R3HDM2: variants seen among roughly 807,000 people sequenced by gnomAD.
R3HDM2 encodes R3H domain-containing protein 2.
Under a neutral mutation model 124.5 loss-of-function variants are expected in R3HDM2, and 38 were observed. The ratio of observed to expected loss-of-function variants is 0.31; its 90% CI spans 0.24 to 0.40. The LOEUF (loss-of-function observed/expected upper bound fraction) is 0.40. R3HDM2 is among the 10% of genes least tolerant of loss of function. R3HDM2 has a pLI of 1.00. For synonymous variants in R3HDM2, 391 were observed against 448.0 expected (o/e 0.87, Z 1.61); for missense variants, 869 against 1,236.9 (o/e 0.70, Z 4.46).
intron 10 of R3HDM2, among the ~76,000 whole-genome samples, chr12:57,294,872 G>T (rs2049417742): frequency 2.6e-5 from 4 of 152,164 alleles, no homozygotes; most frequent in Admixed American, 1.3e-4. Flanking sequence ...CACTCACCTT[G>T]GTGGAAGGAG....
chr12:57,385,478 G>T (rs547971406), intron 2 of R3HDM2, among the ~76,000 whole-genome samples: 2 of 151,852 alleles, frequency 1.3e-5, no homozygotes, highest in Admixed American at 1.3e-4. Flanking sequence ...TCCTGACCTC[G>T]CGATCCGCCC....
At chr12:57,370,254 C>T (rs942601717) in intron 2 of R3HDM2, among the ~76,000 whole-genome samples, 6 of 152,116 alleles carry the variant, frequency 3.9e-5, no homozygotes, top group African/African-American at 1.4e-4. Context: ...CTTGCACTCG[C>T]GAAGACATAC....
intron 2 of R3HDM2, among the ~76,000 whole-genome samples, chr12:57,378,395 T>C (rs2138216375): frequency 6.6e-6 from 1 of 152,270 alleles, no homozygotes; most frequent in South Asian, 2.1e-4. Context: ...TTTTCTTTTT[T>C]TTGAAACAGG....
At chr12:57,419,762 C>T (rs1487054286) in intron 1 of R3HDM2, among the ~76,000 whole-genome samples, 4 of 151,980 alleles carry the variant, frequency 2.6e-5, no homozygotes, top group Admixed American at 1.3e-4. Flanking sequence ...TTCTTTAATA[C>T]CTCTAGGTCT....
At position 57,254,625 on chromosome 12, in the gene R3HDM2, T is replaced by G; in HGVS notation, c.*148A>C. 1 of 693,644 alleles carries G rather than the reference T, an allele frequency of 1.4e-6. No homozygotes were observed. The highest frequency in any genetic ancestry group is 2.2e-5 in the South Asian group (1 of 45,778). The allele number at this position is 693,644 out of a possible 1,614,324, so 43.0% of individuals were successfully genotyped here. A position where few individuals can be genotyped will look rare whatever the true frequency, so the allele number is the denominator to read the frequency against. ...AAGGAGTCCAATGCCAGTGTAGGTATCTGTGTTTCCATCTTCATCACTGTC... is the reference window on the plus strand; with the variant it reads ...AAGGAGTCCAATGCCAGTGTAGGTAGCTGTGTTTCCATCTTCATCACTGTC... On this transcript the variant is annotated 3_prime_UTR_variant, in exon 24 of 24. Transcript: ENST00000402412.
At chr12:57,414,497 A>C (rs2069361049) in intron 1 of R3HDM2, among the ~76,000 whole-genome samples, 2 of 148,758 alleles carry the variant, frequency 1.3e-5, no homozygotes, top group South Asian at 2.1e-4. Context: ...AAAAAAAAAA[A>C]AAAAAAAAAA....
At chr12:57,280,014 T>C (rs775576231) in intron 14 of R3HDM2, among the ~76,000 whole-genome samples, 6 of 152,076 alleles carry the variant, frequency 3.9e-5, no homozygotes, top group Non-Finnish European at 7.4e-5. Context: ...TTCCAATATA[T>C]AGATGTAATG....
intron 1 of R3HDM2, among the ~76,000 whole-genome samples, chr12:57,425,140 C>T (rs756727781): frequency 2.8e-4 from 42 of 152,114 alleles, no homozygotes; most frequent in African/African-American, 6.7e-4. Context: ...GGTGTGGTGG[C>T]GCATGCCTGT....
At chr12:57,396,682 G>A (rs2067557015) in intron 1 of R3HDM2, among the ~76,000 whole-genome samples, 1 of 150,422 alleles carries the variant, frequency 6.6e-6, no homozygotes, top group Non-Finnish European at 1.5e-5. Context: ...AGAAGGCTGA[G>A]CCAGAGAATT....
chr12:57,337,664 T>C (rs917998505), intron 2 of R3HDM2, among the ~76,000 whole-genome samples: 16 of 152,114 alleles, frequency 1.1e-4, no homozygotes. Flanking sequence ...TCTATAACCT[T>C]GTGTATGTGT....
chr12:57,298,107 T>C lies in R3HDM2; in HGVS notation c.483A>G (p.Thr161=), dbSNP rs1324107141. The change falls in exon 7 of 24, where the codon ACA becomes ACG. Residue 161 remains threonine (T), a synonymous_variant. Transcript: ENST00000402412. The part of the protein sequence containing the change: ...GIDLHEFLVN[T]LKKNPRDRMM... ...GTTATTACCTTGGGTTCTTTTTCAG[T>C]GTATTTACAAGAAATTCATGTAGGT... is the stretch of plus-strand genomic sequence containing the variant. The C allele has an allele frequency of 1.5e-5, 24 of 1,550,800 alleles. No homozygotes were observed. The highest frequency in any genetic ancestry group is 2.0e-5 in the Non-Finnish European group (23 of 1,146,476).
At position 57,360,992 on chromosome 12, in the gene R3HDM2, C is replaced by A. The variant is rs140347013; in HGVS notation, c.-36+34757G>T. Among the ~76,000 whole-genome samples, 577 of 119,178 alleles carry A rather than the reference C, an allele frequency of 4.8e-3. 4 individuals carry two copies. Among genetic ancestry groups the A allele is most frequent in the African/African-American group, 0.017 (547 of 31,312 alleles). The allele number at this position is 119,178 out of a possible 152,430, so 78.2% of individuals were successfully genotyped here. On this transcript the variant is annotated intron_variant, in intron 2 of 23. Coordinates refer to ENST00000402412, the MANE Select transcript of R3HDM2 (RefSeq NM_001394031.1). ...GCTTGAACCCAGGAGGCAGAGCTTG[C>A]GGTGAGCGGAGATGCACCACTGCCT...
At chr12:57,308,584 G>C (rs2053259670) in intron 3 of R3HDM2, among the ~76,000 whole-genome samples, 1 of 152,002 alleles carries the variant, frequency 6.6e-6, no homozygotes, top group East Asian at 2.0e-4. Context: ...TACTCGGGAG[G>C]CTGAGGCAGG....
intron 2 of R3HDM2, among the ~76,000 whole-genome samples, chr12:57,394,480 G>A (rs916629687): frequency 2.6e-5 from 4 of 152,126 alleles, no homozygotes; most frequent in Non-Finnish European, 5.9e-5. Flanking sequence ...GCCAAGGCAG[G>A]AGAATCACTT....
intron 2 of R3HDM2, among the ~76,000 whole-genome samples, chr12:57,387,724 C>T (rs1046344465): frequency 3.3e-5 from 5 of 152,072 alleles, no homozygotes; most frequent in African/African-American, 1.2e-4. Context: ...AAGAAGAAAC[C>T]AGTTTGGAAA....
chr12:57,293,037 G>A (rs1302472563), intron 10 of R3HDM2, among the ~76,000 whole-genome samples: 3 of 152,166 alleles, frequency 2.0e-5, no homozygotes, highest in Non-Finnish European at 4.4e-5. Context: ...GGAAAGCAAA[G>A]GACAGAGGGA....
At chr12:57,430,489 G>GGCCC in intron 1 of R3HDM2, 68 of 790,522 alleles carry the variant, frequency 8.6e-5, no homozygotes, top group Non-Finnish European at 9.4e-5. Context: ...CCACCCCCCT[G>GGCCC]CCCCCGCACC....
intron 2 of R3HDM2, among the ~76,000 whole-genome samples, chr12:57,358,001 CAG>C (rs1474166403): frequency 1.4e-5 from 2 of 147,274 alleles, no homozygotes; most frequent in East Asian, 2.0e-4. Flanking sequence ...TTTTTTTAGA[CAG>C]AGTTTCTCTC....
intron 2 of R3HDM2, among the ~76,000 whole-genome samples, chr12:57,315,085 G>C (rs1294567179): frequency 6.6e-6 from 1 of 151,590 alleles, no homozygotes; most frequent in Non-Finnish European, 1.5e-5. Flanking sequence ...CTGTCACTCA[G>C]GTTGGAATGC....
Sources: gnomAD v4.1 joint callset for allele counts (sites outside exome capture counted in the v4.1 genomes callset) on GRCh38, gnomAD v4.1.1 for gene constraint, MANE v1.5 for transcripts, NCBI Gene and HGNC (gene_info 2026-07-23, HGNC 2026-07-21) for gene names.